STK39: variants seen among roughly 807,000 people sequenced by gnomAD.
The protein encoded by STK39 is STE20/SPS1-related proline-alanine-rich protein kinase.
In STK39, 20 loss-of-function variants were observed where a neutral mutation model predicts 77.8. That is an observed-to-expected ratio of 0.26 (90% CI 0.18 to 0.37). The LOEUF is 0.37. Among genes scored for constraint, STK39 ranks in the 10% least tolerant of loss-of-function variants. The pLI is 1.00. For synonymous variants in STK39, 246 were observed against 234.1 expected (o/e 1.05, Z -0.47); for missense variants, 479 against 656.5 (o/e 0.73, Z 2.95).
chr2:168,188,258 A>G (rs896112260), intron 1 of STK39, among the ~76,000 whole-genome samples: 1 of 152,158 alleles, frequency 6.6e-6, no homozygotes, highest in African/African-American at 2.4e-5. Flanking sequence ...TGGCCAGGAG[A>G]GGACTTGGAT....
At chr2:168,167,741 G>A (rs1202046171) in intron 2 of STK39, among the ~76,000 whole-genome samples, 1 of 152,130 alleles carries the variant, frequency 6.6e-6, no homozygotes, top group Non-Finnish European at 1.5e-5. Context: ...TACCTGAACC[G>A]AAGGCTTGAC....
At chr2:167,982,283 A>C (rs1683440143) in intron 16 of STK39, among the ~76,000 whole-genome samples, 1 of 152,118 alleles carries the variant, frequency 6.6e-6, no homozygotes, top group Non-Finnish European at 1.5e-5. Flanking sequence ...GCATTCTAAT[A>C]AAAAAAATTA....
chr2:168,202,267 C>T (rs1574551327), intron 1 of STK39, among the ~76,000 whole-genome samples: 2 of 152,154 alleles, frequency 1.3e-5, no homozygotes, highest in East Asian at 3.9e-4. Context: ...TTTGAAAAAC[C>T]ATCATCAAAT....
At chr2:168,161,053 C>G (rs1688558196) in intron 5 of STK39, among the ~76,000 whole-genome samples, 1 of 152,104 alleles carries the variant, frequency 6.6e-6, no homozygotes, top group African/African-American at 2.4e-5. Context: ...ATGACAGGGT[C>G]ACTCCAGTAG....
At chr2:168,238,488 G>A (rs566928705) in intron 1 of STK39, among the ~76,000 whole-genome samples, 95 of 152,142 alleles carry the variant, frequency 6.2e-4, no homozygotes, top group Middle Eastern at 3.2e-3. Context: ...TGAATGTAGA[G>A]GTCTCTACCA....
intron 14 of STK39, among the ~76,000 whole-genome samples, chr2:168,022,199 A>T (rs1015727413): frequency 2.6e-5 from 4 of 152,218 alleles, no homozygotes; most frequent in African/African-American, 9.7e-5. Flanking sequence ...TCACTATTGT[A>T]AACAGTGCTT....
intron 10 of STK39, chr2:168,113,207 C>A (rs1278386338): frequency 1.3e-5 from 2 of 152,156 alleles, no homozygotes; most frequent in East Asian, 1.9e-4. Flanking sequence ...CACATCCCCC[C>A]CTCTATTATA....
chr2:168,210,201 T>C (rs1332065821), intron 1 of STK39, among the ~76,000 whole-genome samples: 1 of 152,214 alleles, frequency 6.6e-6, no homozygotes, highest in Non-Finnish European at 1.5e-5. Flanking sequence ...TTTTGAGTCA[T>C]ACTATCACTA....
chr2:167,997,683 AGATGGG>A (rs569116312), intron 16 of STK39, among the ~76,000 whole-genome samples: 4 of 152,358 alleles, frequency 2.6e-5, no homozygotes, highest in East Asian at 3.9e-4. Flanking sequence ...CTAAGAAATA[AGATGGG>A]GATATTTTTA....
At chr2:167,974,727 C>T (rs1683228199) in intron 16 of STK39, among the ~76,000 whole-genome samples, 2 of 152,152 alleles carry the variant, frequency 1.3e-5, no homozygotes, top group African/African-American at 4.8e-5. Flanking sequence ...GAAAACTTCA[C>T]AAGCATGCAA....
intron 17 of STK39, among the ~76,000 whole-genome samples, chr2:167,957,945 G>A (rs1691832556): frequency 6.6e-6 from 1 of 152,166 alleles, no homozygotes; most frequent in Non-Finnish European, 1.5e-5. Context: ...ACACTGAAAT[G>A]TCTGTCTCCT....
intron 14 of STK39, among the ~76,000 whole-genome samples, chr2:168,043,083 C>T (rs928705805): frequency 1.3e-5 from 2 of 152,126 alleles, no homozygotes; most frequent in Non-Finnish European, 2.9e-5. Context: ...CCCCTCCGTC[C>T]CCACCGCCCA....
chr2:167,967,754 A>G (rs899045576), intron 16 of STK39, among the ~76,000 whole-genome samples: 5 of 152,140 alleles, frequency 3.3e-5, no homozygotes, highest in African/African-American at 1.2e-4. Flanking sequence ...TGTTTTCTGT[A>G]TACATTCCTT....
chr2:168,056,376 G>T (rs922730738), intron 14 of STK39, among the ~76,000 whole-genome samples: 1 of 152,020 alleles, frequency 6.6e-6, no homozygotes, highest in Non-Finnish European at 1.5e-5. Flanking sequence ...AGGAAGCCAC[G>T]TTCCCAGCAG....
At chr2:168,231,837 G>A (rs1371010249) in intron 1 of STK39, 10 of 225,048 alleles carry the variant, frequency 4.4e-5, no homozygotes, top group Non-Finnish European at 5.8e-5. Context: ...TCTGGGCTCC[G>A]CTCCCTCTCT....
At chr2:168,233,984 G>T (rs1162071027) in intron 1 of STK39, among the ~76,000 whole-genome samples, 1 of 152,064 alleles carries the variant, frequency 6.6e-6, no homozygotes, top group Non-Finnish European at 1.5e-5. Context: ...GTCGACAGGG[G>T]TATCTGTTTC....
At chr2:168,156,403 G>T (rs1688429428) in intron 5 of STK39, among the ~76,000 whole-genome samples, 1 of 109,514 alleles carries the variant, frequency 9.1e-6, no homozygotes, top group Admixed American at 9.1e-5. Flanking sequence ...TAAACTTTAT[G>T]CAAGAGGAAG....
chr2:168,086,821 G>C (rs1686379010), intron 10 of STK39, among the ~76,000 whole-genome samples: 1 of 152,188 alleles, frequency 6.6e-6, no homozygotes. Flanking sequence ...TCTGGAAGTT[G>C]GAAGGGAACT....
intron 15 of STK39, among the ~76,000 whole-genome samples, chr2:168,016,381 T>C (rs1320919267): frequency 7.7e-6 from 1 of 129,166 alleles, no homozygotes; most frequent in African/African-American, 3.3e-5. Context: ...GCTGGTGGCC[T>C]TTGTTCAAAA....
Sources: gnomAD v4.1 joint callset for allele counts (sites outside exome capture counted in the v4.1 genomes callset) on GRCh38, gnomAD v4.1.1 for gene constraint, MANE v1.5 for transcripts, NCBI Gene and HGNC (gene_info 2026-07-23, HGNC 2026-07-21) for gene names.